The following OR9Q1 variants were observed in gnomAD, a reference collection of about 807,000 sequenced individuals.
The protein encoded by OR9Q1 is olfactory receptor family 9 subfamily Q member 1, also known as olfactory receptor 9Q1.
For synonymous variants in OR9Q1, 153 were observed against 148.6 expected (o/e 1.03, Z -0.22); for missense variants, 374 against 378.8 (o/e 0.99, Z 0.11).
At chr11:58,118,836 G>A (rs1297466921) in intron 2 of OR9Q1, 1 of 1,613,908 alleles carries the variant, frequency 6.2e-7, no homozygotes, top group Non-Finnish European at 8.5e-7. Flanking sequence ...TCACAAAATT[G>A]CCAAAGAAGA....
intron 2 of OR9Q1, among the ~76,000 whole-genome samples, chr11:58,100,358 T>C (rs565873436): frequency 2.6e-5 from 4 of 152,224 alleles, no homozygotes; most frequent in Non-Finnish European, 4.4e-5. Context: ...TACCATTTCA[T>C]GTTCAATGTA....
At chr11:58,103,353 C>T (rs779044777) in intron 2 of OR9Q1, among the ~76,000 whole-genome samples, 18 of 152,046 alleles carry the variant, frequency 1.2e-4, no homozygotes, top group Non-Finnish European at 2.1e-4. Flanking sequence ...CCACAACATG[C>T]GGTGATTATG....
chr11:58,074,330 G>A (rs555063891), intron 2 of OR9Q1, among the ~76,000 whole-genome samples: 1 of 152,196 alleles, frequency 6.6e-6, no homozygotes, highest in Admixed American at 6.5e-5. Context: ...ATCTCATTGT[G>A]GTTTTGATTT....
chr11:58,141,676 T>G (rs1370563668), intron 2 of OR9Q1, among the ~76,000 whole-genome samples: 1 of 152,170 alleles, frequency 6.6e-6, no homozygotes, highest in Non-Finnish European at 1.5e-5. Context: ...GCAGCTGTTA[T>G]TGTCAGTGTC....
At chr11:58,173,133 A>G (rs1192927416) in intron 2 of OR9Q1, among the ~76,000 whole-genome samples, 1 of 151,938 alleles carries the variant, frequency 6.6e-6, no homozygotes, top group Non-Finnish European at 1.5e-5. Context: ...TCTTTATTTT[A>G]TTTTATTTTA....
chr11:58,179,938 C>G lies in OR9Q1; in HGVS notation c.494C>G (p.Thr165Ser), dbSNP rs200147560. The change falls in exon 3 of 3, where the codon ACT becomes AGT. Residue 165 changes from threonine to serine, a missense_variant. By Grantham distance (58) the Thr-to-Ser change is moderately conservative. Coordinates refer to ENST00000335397, the MANE Select transcript of OR9Q1 (RefSeq NM_001005212.4). The stretch of plus-strand genomic sequence containing the variant: ...TTGGTGCGGACAGTCTCAGCCTTCA[C>G]TCTCTCCTTCTGTGGAACCAGTGAG... ...SALVRTVSAF[T>S]LSFCGTSEID... 6.8e-5 allele frequency: 109 copies of G among 1,614,064 alleles called. No homozygotes were observed. Among genetic ancestry groups the G allele is most frequent in the Non-Finnish European group, 8.5e-7 (1 of 1,180,038 alleles).
chr11:58,164,966 A>G (rs964536458), intron 2 of OR9Q1, among the ~76,000 whole-genome samples: 2 of 152,006 alleles, frequency 1.3e-5, no homozygotes, highest in East Asian at 3.9e-4. Context: ...TTGCTCACTT[A>G]TTACCTTTTA....
At chr11:58,155,892 G>A (rs1278228436) in intron 2 of OR9Q1, among the ~76,000 whole-genome samples, 1 of 149,796 alleles carries the variant, frequency 6.7e-6, no homozygotes, top group African/African-American at 2.4e-5. Context: ...AAATGGCCAA[G>A]TCTTGCTGTT....
chr11:58,117,468 T>A lies in OR9Q1; in HGVS notation c.-15+61521T>A, dbSNP rs576140953. 2.6e-5 allele frequency: 4 copies of A among 152,310 alleles called. No homozygotes were observed. In the South Asian group the frequency reaches 8.3e-4, roughly 32 times the overall value. 9.4% of individuals were successfully genotyped at this position (152,310 alleles called of 1,614,324 possible). Reference sequence around the variant, plus strand: ...ATTTGCCATAGAGTTGCCAGAAGGCTCAAATAGGAACAAGCATGTACCATA... The same window carrying A: ...ATTTGCCATAGAGTTGCCAGAAGGCACAAATAGGAACAAGCATGTACCATA... On this transcript the variant is annotated intron_variant, in intron 2 of 2. Coordinates refer to ENST00000335397, the MANE Select transcript of OR9Q1 (RefSeq NM_001005212.4).
At chr11:58,062,933 G>A (rs1210632541) in intron 2 of OR9Q1, among the ~76,000 whole-genome samples, 1 of 152,158 alleles carries the variant, frequency 6.6e-6, no homozygotes, top group Non-Finnish European at 1.5e-5. Flanking sequence ...TGAGAGCCAT[G>A]TGGGTGCCCT....
intron 2 of OR9Q1, among the ~76,000 whole-genome samples, chr11:58,129,236 C>CGTGTGTGTGTGTGTGTGT (rs59902083): frequency 1.4e-5 from 2 of 144,756 alleles, no homozygotes; most frequent in African/African-American, 5.2e-5. Flanking sequence ...CAGAGCAATT[C>CGTGTGTGTGTGTGTGTGT]GTGTGTGTGT....
chr11:58,139,777 A>G (rs1423312194), intron 2 of OR9Q1, among the ~76,000 whole-genome samples: 3 of 152,164 alleles, frequency 2.0e-5, no homozygotes, highest in African/African-American at 4.8e-5. Flanking sequence ...AGCAAGTTTT[A>G]TAATCCTTTG....
At chr11:58,073,731 C>T (rs1023441493) in intron 2 of OR9Q1, 6 of 152,172 alleles carry the variant, frequency 3.9e-5, no homozygotes, top group African/African-American at 1.4e-4. Flanking sequence ...GTTTGCTGCA[C>T]CCACCAACCT....
intron 2 of OR9Q1, among the ~76,000 whole-genome samples, chr11:58,103,967 C>A (rs1322854732): frequency 2.6e-5 from 4 of 151,964 alleles, no homozygotes; most frequent in Non-Finnish European, 5.9e-5. Flanking sequence ...GTTCTCAGGC[C>A]AAGGGTGTGC....
Position 58,158,421 on chromosome 11 carries a change from C to CTT in OR9Q1, c.-14-20991_-14-20990dup, listed in dbSNP as rs10600970. Among the ~76,000 whole-genome samples, 452 of 133,708 alleles carry CTT rather than the reference C, an allele frequency of 3.4e-3. 3 individuals are homozygous for CTT. Among genetic ancestry groups the CTT allele is most frequent in the African/African-American group, 0.012 (433 of 36,158 alleles). 87.7% of individuals were successfully genotyped at this position (133,708 alleles called of 152,430 possible). On this transcript the variant is annotated intron_variant, in intron 2 of 2. Transcript: ENST00000335397. ...ATATAAACATAGCCGCCTAGGTCTGCTTTTTTTTTTTTTTTTTTTTAACAT... is the reference window on the plus strand; with the variant it reads ...ATATAAACATAGCCGCCTAGGTCTGCTTTTTTTTTTTTTTTTTTTTTTAACAT...
intron 1 of OR9Q1, among the ~76,000 whole-genome samples, chr11:58,036,938 C>T (rs544108775): frequency 6.6e-6 from 1 of 152,218 alleles, no homozygotes; most frequent in South Asian, 2.1e-4. Context: ...GATAAAACAC[C>T]ATCAGGGCTT....
chr11:58,042,556 G>A (rs1036844731), intron 1 of OR9Q1, among the ~76,000 whole-genome samples: 17 of 150,692 alleles, frequency 1.1e-4, no homozygotes, highest in Non-Finnish European at 2.4e-4. Context: ...TAGCCTTGTA[G>A]TATAGTTTGA....
At chr11:58,036,589 C>A (rs970241508) in intron 1 of OR9Q1, among the ~76,000 whole-genome samples, 3 of 152,304 alleles carry the variant, frequency 2.0e-5, no homozygotes, top group Non-Finnish European at 4.4e-5. Flanking sequence ...CCATTAAGAG[C>A]ACTCATGACT....
In OR9Q1 at chr11:58,050,215, A is replaced by C. The variant is rs1049694303; in HGVS notation, c.-92-5655A>C. ...TCAAACTATACTACAAGGCTACAGT[A>C]ACCAAAACAGCATGGTGCTGGTACC... is the stretch of plus-strand genomic sequence containing the variant. On this transcript the variant is annotated intron_variant, in intron 1 of 2. Transcript: ENST00000335397. Among the ~76,000 whole-genome samples, 9 of 135,176 alleles carry C rather than the reference A, an allele frequency of 6.7e-5. No homozygotes were observed. The South Asian group carries it at 7.5e-4, about 11-fold the overall frequency. The allele number at this position is 135,176 out of a possible 152,430, so 88.7% of individuals were successfully genotyped here.
Sources: allele counts gnomAD v4.1 joint callset (sites outside exome capture counted in the v4.1 genomes callset), GRCh38; gene constraint gnomAD v4.1.1; transcripts MANE v1.5; gene names NCBI Gene and HGNC (gene_info 2026-07-23, HGNC 2026-07-21).